EYS: variants seen among roughly 807,000 people sequenced by gnomAD.
EYS encodes EGF-like photoreceptor maintenance factor, also known as protein eyes shut homolog.
Under a neutral mutation model 282.1 loss-of-function variants are expected in EYS, and 250 were observed. The observed-to-expected ratio is 0.89, with a 90% confidence interval of 0.80 to 0.98. EYS has a LOEUF of 0.98. Ranked by LOEUF, EYS falls within the 50% of genes least tolerant of loss-of-function variation. The probability of loss-of-function intolerance (pLI) is 0.00; values close to 1 mark genes in which losing one functional copy is unlikely to be tolerated. For synonymous variants in EYS, 1,355 were observed against 1,282.9 expected (o/e 1.06, Z -1.20); for missense variants, 4,016 against 3,709.0 (o/e 1.08, Z -2.15).
At chr6:64,743,185 T>C (rs1772432726) in intron 22 of EYS, among the ~76,000 whole-genome samples, 1 of 152,156 alleles carries the variant, frequency 6.6e-6, no homozygotes. Context: ...ATATCTGCTA[T>C]AAAATTACAT....
At chr6:64,540,880 G>GATA (rs1231019376) in intron 26 of EYS, among the ~76,000 whole-genome samples, 4 of 152,176 alleles carry the variant, frequency 2.6e-5, no homozygotes, top group Non-Finnish European at 5.9e-5. Context: ...GATTTGGGAA[G>GATA]TGAATATGAT....
At chr6:65,206,502 T>C (rs1255680928) in intron 12 of EYS, among the ~76,000 whole-genome samples, 1 of 151,692 alleles carries the variant, frequency 6.6e-6, no homozygotes, top group East Asian at 1.9e-4. Flanking sequence ...TCCAAAAATT[T>C]GGGAAGGGAT....
chr6:65,494,855 G>C lies in EYS; in HGVS notation c.556C>G (p.His186Asp), dbSNP rs1250847271. 6.2e-7 allele frequency: 1 copy of C among 1,614,064 alleles called. No individual in the cohort carries two copies. The highest frequency in any genetic ancestry group is 2.2e-5 in the East Asian group (1 of 44,850). ...CAAGCTTCACTAAGACATTTACCAT[G>C]ACCAGAGCAAAATTCTGAACTCAGA... ...ESLSSEFCSG[H>D]GKCLSEAWSK... Residue 186 changes from histidine to aspartate, a missense_variant, in exon 4 of 43, where the codon CAT (histidine) becomes GAT (aspartate). Transcript: ENST00000503581.
At chr6:65,147,291 C>G (rs895915372) in intron 12 of EYS, among the ~76,000 whole-genome samples, 1 of 151,900 alleles carries the variant, frequency 6.6e-6, no homozygotes, top group Non-Finnish European at 1.5e-5. Flanking sequence ...TAAATATGCA[C>G]ACACATGTCA....
intron 36 of EYS, among the ~76,000 whole-genome samples, chr6:63,857,044 G>C (rs570306855): frequency 6.6e-6 from 1 of 152,248 alleles, no homozygotes; most frequent in African/African-American, 2.4e-5. Context: ...AATTATTTCT[G>C]TCATTAACAG....
At chr6:64,693,501 G>A (rs1034802285) in intron 22 of EYS, among the ~76,000 whole-genome samples, 3 of 152,090 alleles carry the variant, frequency 2.0e-5, no homozygotes, top group South Asian at 2.1e-4. Context: ...ATGGTCAATT[G>A]AGCATCATTT....
At chr6:65,653,344 A>T (rs1246524934) in intron 1 of EYS, among the ~76,000 whole-genome samples, 1 of 151,918 alleles carries the variant, frequency 6.6e-6, no homozygotes, top group Non-Finnish European at 1.5e-5. Context: ...GGACCAAATT[A>T]TCAAATAACT....
chr6:65,176,538 A>C (rs1193421302), intron 12 of EYS, among the ~76,000 whole-genome samples: 2 of 151,676 alleles, frequency 1.3e-5, no homozygotes, highest in Non-Finnish European at 3.0e-5. Context: ...TTGAAATAAT[A>C]ACTTTCTATA....
At chr6:64,579,387 T>G (rs952070741) in intron 26 of EYS, among the ~76,000 whole-genome samples, 1 of 152,144 alleles carries the variant, frequency 6.6e-6, no homozygotes, top group African/African-American at 2.4e-5. Context: ...CACTGGAACC[T>G]GAGCCAAGAT....
intron 12 of EYS, among the ~76,000 whole-genome samples, chr6:65,200,147 T>G (rs1765864734): frequency 6.6e-6 from 1 of 152,222 alleles, no homozygotes. Context: ...AGTGAATGTT[T>G]TGAGTGAAGG....
chr6:64,427,086 A>T (rs1162981842), intron 28 of EYS, among the ~76,000 whole-genome samples: 1 of 152,174 alleles, frequency 6.6e-6, no homozygotes, highest in Non-Finnish European at 1.5e-5. Flanking sequence ...GGCAAATTTC[A>T]TTAGCACTGT....
At chr6:63,725,138 TTATA>T (rs1768561994) in intron 42 of EYS, among the ~76,000 whole-genome samples, 1 of 152,144 alleles carries the variant, frequency 6.6e-6, no homozygotes, top group Admixed American at 6.5e-5. Flanking sequence ...CATGATTTTC[TTATA>T]TAAGTGTCAA....
At chr6:65,530,000 A>G (rs1767703540) in intron 2 of EYS, among the ~76,000 whole-genome samples, 1 of 152,122 alleles carries the variant, frequency 6.6e-6, no homozygotes, top group African/African-American at 2.4e-5. Flanking sequence ...GATGAAGAAA[A>G]TATTATCTTT....
chr6:64,194,673 G>A (rs1765226767), intron 31 of EYS, among the ~76,000 whole-genome samples: 1 of 151,870 alleles, frequency 6.6e-6, no homozygotes, highest in Non-Finnish European at 1.5e-5. Context: ...TAATTTTCAG[G>A]GATATTTCTT....
chr6:64,162,741 A>G (rs1295965330), intron 31 of EYS, among the ~76,000 whole-genome samples: 1 of 152,152 alleles, frequency 6.6e-6, no homozygotes, highest in African/African-American at 2.4e-5. Context: ...TACCTGAATA[A>G]TAATAGCATA....
At chr6:65,081,686 A>T (rs1026572880) in intron 12 of EYS, among the ~76,000 whole-genome samples, 2 of 152,062 alleles carry the variant, frequency 1.3e-5, no homozygotes, top group Non-Finnish European at 2.9e-5. Flanking sequence ...TGCCCAAAGT[A>T]CTGGTTATTT....
rs1386625956 is a variant in EYS at position 64,005,689 on chromosome 6, C to T, written c.6726-6506G>A. 2.6e-5 allele frequency among the ~76,000 whole-genome samples: 4 copies of T among 152,304 alleles called. No individual in the cohort carries two copies. The East Asian group carries it at 7.7e-4, about 29-fold the overall frequency. On this transcript the variant is annotated intron_variant, in intron 33 of 42. Transcript: ENST00000503581. ...TGTAGTTTCAATCTTCTGCATATGG[C>T]TAGCCAGGTATCCCTGCACCATTTA...
intron 12 of EYS, among the ~76,000 whole-genome samples, chr6:65,141,653 ATC>A (rs1764347281): frequency 3.6e-4 from 1 of 2,756 alleles, no homozygotes; most frequent in Non-Finnish European, 1.5e-3. Flanking sequence ...CTGTCTGTCT[ATC>A]TATCTATCTA....
chr6:63,788,320 T>A, intron 38 of EYS, 71 bp from the exon 39 acceptor site: 1 of 1,247,640 alleles, frequency 8.0e-7, no homozygotes, highest in South Asian at 1.5e-5. Context: ...GATACTCTTT[T>A]GTTATTTCCC....
Sources: allele counts gnomAD v4.1 joint callset (sites outside exome capture counted in the v4.1 genomes callset), GRCh38; gene constraint gnomAD v4.1.1; transcripts MANE v1.5; gene names NCBI Gene and HGNC (gene_info 2026-07-23, HGNC 2026-07-21).